ABCA13: variants seen among roughly 807,000 people sequenced by gnomAD.
ABCA13 encodes the protein ATP binding cassette subfamily A member 13, also known as ATP-binding cassette sub-family A member 13.
In ABCA13, 476 loss-of-function variants were observed where a neutral mutation model predicts 478.7. That is an observed-to-expected ratio of 0.99 (90% CI 0.92 to 1.07). The LOEUF (loss-of-function observed/expected upper bound fraction) is 1.07. Among genes scored for constraint, ABCA13 ranks in the 50% least tolerant of loss-of-function variants. The probability of loss-of-function intolerance (pLI) is 0.00; values close to 1 mark genes in which losing one functional copy is unlikely to be tolerated. For missense variants in ABCA13, 6,060 were observed against 5,910.6 expected (o/e 1.03, Z -0.83); for synonymous variants, 2,252 against 2,158.9 (o/e 1.04, Z -1.20).
chr7:48,412,593 A>G lies in ABCA13; in HGVS notation c.12459+10A>G, dbSNP rs570114995. ...CACCACCTTAGAAGAGGTACTGAGA[A>G]AACTGAAGCGTGCTTTAATTATTTA... On this transcript the variant is annotated intron_variant, in intron 41 of 61. Coordinates refer to ENST00000435803, the MANE Select transcript of ABCA13 (RefSeq NM_152701.5). 1.3e-6 allele frequency: 2 copies of G among 1,587,614 alleles called. No homozygotes were observed. The highest frequency in any genetic ancestry group is 1.8e-5 in the Admixed American group (1 of 55,750).
chr7:48,298,480 A>T lies in ABCA13; in HGVS notation c.9314A>T (p.His3105Leu). The T allele has an allele frequency of 1.2e-6, 2 of 1,611,902 alleles. No homozygotes were observed. Among genetic ancestry groups the T allele is most frequent in the Non-Finnish European group, 1.7e-6 (2 of 1,179,072 alleles). The change falls in exon 23 of 62, where the codon CAC becomes CTC. Residue 3105 changes from histidine to leucine, a missense_variant. His to Leu is a moderately conservative substitution (Grantham distance 99, BLOSUM62 -3). This residue lies in a region of ABCA13 where 4,423 missense variants were observed against 4,309.1 expected (regional missense o/e 1.03). Coordinates refer to ENST00000435803, the MANE Select transcript of ABCA13 (RefSeq NM_152701.5). ...AGCATTCTAGAAGCAAATATTTCCC[A>T]CTCCAAGGTGTGGTGCTGTTTCTTG... Reference protein sequence around the residue: ...IHSILEANISHSKVLFSALTV... With the variant: ...IHSILEANISLSKVLFSALTV...
In ABCA13 at chr7:48,615,294, G is replaced by A. The variant is rs764724093; in HGVS notation, c.14754G>A (p.Glu4918=). The A allele has an allele frequency of 1.3e-6, 2 of 1,561,864 alleles. No individual in the cohort carries two copies. The highest frequency in any genetic ancestry group is 1.7e-6 in the Non-Finnish European group (2 of 1,150,434). Reference sequence around the variant, plus strand: ...TTTTCCTTCTTTACAGCATGGAGGAGTGTGAGGCTCTTTGCACAAGACTGG... The same window carrying A: ...TTTTCCTTCTTTACAGCATGGAGGAATGTGAGGCTCTTTGCACAAGACTGG... ...AAVLTSHSME[E]CEALCTRLAI... Residue 4918 remains glutamate, a synonymous_variant, in exon 59 of 62, where the codon GAG becomes GAA. Transcript: ENST00000435803.
At chr7:48,479,724 TGA>T (rs769919089) in intron 45 of ABCA13, among the ~76,000 whole-genome samples, 1 of 152,208 alleles carries the variant, frequency 6.6e-6, no homozygotes, top group Admixed American at 6.5e-5. Flanking sequence ...CACAAATAAG[TGA>T]GAGTCTTGCT....
At chr7:48,436,730 G>A (rs537636754) in intron 42 of ABCA13, among the ~76,000 whole-genome samples, 7 of 151,412 alleles carry the variant, frequency 4.6e-5, no homozygotes, top group South Asian at 2.1e-4. Context: ...CACTTCATTC[G>A]TTTCAAGATA....
intron 3 of ABCA13, among the ~76,000 whole-genome samples, chr7:48,204,549 G>C (rs750599038): frequency 2.0e-5 from 3 of 152,132 alleles, no homozygotes; most frequent in Non-Finnish European, 4.4e-5. Flanking sequence ...ACATGGAGAC[G>C]TAACAGCATT....
At chr7:48,222,393 G>C (rs879711318) in intron 5 of ABCA13, among the ~76,000 whole-genome samples, 3 of 152,198 alleles carry the variant, frequency 2.0e-5, no homozygotes, top group Non-Finnish European at 4.4e-5. Context: ...AATGTAAAAA[G>C]ATATAATAAT....
intron 48 of ABCA13, among the ~76,000 whole-genome samples, chr7:48,492,351 C>A (rs1359399294): frequency 6.6e-6 from 1 of 152,236 alleles, no homozygotes; most frequent in Non-Finnish European, 1.5e-5. Flanking sequence ...CAGACATCAC[C>A]TCTGTTGGAA....
chr7:48,403,309 C>T (rs1817850695), intron 38 of ABCA13, among the ~76,000 whole-genome samples: 1 of 152,236 alleles, frequency 6.6e-6, no homozygotes, highest in African/African-American at 2.4e-5. Flanking sequence ...CTTCTGACCA[C>T]ACTGGTACAT....
At chr7:48,312,757 T>C (rs1036030286) in intron 24 of ABCA13, among the ~76,000 whole-genome samples, 2 of 152,238 alleles carry the variant, frequency 1.3e-5, no homozygotes, top group Non-Finnish European at 2.9e-5. Context: ...GAGCCTCTTC[T>C]CAAATTTCCA....
At chr7:48,409,926 C>A (rs910786312) in intron 39 of ABCA13, among the ~76,000 whole-genome samples, 26 of 124,102 alleles carry the variant, frequency 2.1e-4, no homozygotes, top group Middle Eastern at 4.3e-3. Flanking sequence ...CTAAAAATAC[C>A]AAAAAAAAAA....
intron 50 of ABCA13, among the ~76,000 whole-genome samples, chr7:48,509,885 G>A (rs1006013912): frequency 9.2e-5 from 14 of 152,198 alleles, no homozygotes; most frequent in African/African-American, 3.4e-4. Flanking sequence ...AGGCCGCAGA[G>A]AGCTCTATGT....
At chr7:48,258,233 G>C (rs1441442394) in intron 15 of ABCA13, among the ~76,000 whole-genome samples, 1 of 152,074 alleles carries the variant, frequency 6.6e-6, no homozygotes, top group Non-Finnish European at 1.5e-5. Context: ...CTTTTTGGTA[G>C]TCTTTTAAAT....
At chr7:48,183,830 A>AT (rs1023918088) in intron 1 of ABCA13, among the ~76,000 whole-genome samples, 1 of 151,500 alleles carries the variant, frequency 6.6e-6, no homozygotes, top group East Asian at 1.9e-4. Flanking sequence ...ATGACTTCCA[A>AT]TTTTTTTTTC....
intron 58 of ABCA13, among the ~76,000 whole-genome samples, chr7:48,607,974 G>A (rs1791641432): frequency 1.3e-5 from 2 of 152,142 alleles, no homozygotes; most frequent in East Asian, 1.9e-4. Flanking sequence ...TCTGCCTTGT[G>A]GGTTCAAGTG....
intron 55 of ABCA13, among the ~76,000 whole-genome samples, chr7:48,546,434 T>G (rs114558219): frequency 0.01 from 1,540 of 151,472 alleles, 40 homozygotes; most frequent in African/African-American, 0.035. Context: ...AGGTCAATAG[T>G]TGTTATATAT....
chr7:48,243,151 T>G (rs890312386), intron 10 of ABCA13: 1 of 152,276 alleles, frequency 6.6e-6, no homozygotes, highest in Non-Finnish European at 1.5e-5. Flanking sequence ...CGCACGTTGT[T>G]GTGAATGTGA....
intron 52 of ABCA13, 26 bp downstream of exon 52, chr7:48,516,907 T>C (rs1320473326): frequency 6.2e-7 from 1 of 1,608,048 alleles, no homozygotes; most frequent in Non-Finnish European, 8.5e-7. Flanking sequence ...GCATCACCTC[T>C]ACACTTCTGC....
At chr7:48,472,592 A>G (rs748980330) in intron 45 of ABCA13, among the ~76,000 whole-genome samples, 1 of 152,188 alleles carries the variant, frequency 6.6e-6, no homozygotes, top group Non-Finnish European at 1.5e-5. Context: ...CAGAAATGTA[A>G]TAAGTGAAAG....
chr7:48,644,905 G>A (rs1177207290), intron 61 of ABCA13, among the ~76,000 whole-genome samples, 151 bp downstream of exon 61: 1 of 152,114 alleles, frequency 6.6e-6, no homozygotes, highest in South Asian at 2.1e-4. Flanking sequence ...AGGATGGTGA[G>A]TGTCAGAAAG....
Sources: gnomAD v4.1 joint callset for allele counts (sites outside exome capture counted in the v4.1 genomes callset) on GRCh38, gnomAD v4.1.1 for gene constraint, gnomAD v4.1.1 regional missense constraint, MANE v1.5 for transcripts, NCBI Gene and HGNC (gene_info 2026-07-23, HGNC 2026-07-21) for gene names.